ZNF608: variants seen among roughly 807,000 people sequenced by gnomAD.
ZNF608 encodes renal carcinoma antigen NY-REN-36.
ZNF608 carries 12 observed loss-of-function variants against 109.0 expected under a neutral mutation model. The observed-to-expected ratio is 0.11, with a 90% CI of 0.07 to 0.18. The LOEUF (loss-of-function observed/expected upper bound fraction) is 0.18. Among genes scored for constraint, ZNF608 ranks in the 10% least tolerant of loss-of-function variants. The pLI is 1.00. For missense variants in ZNF608, 1,707 were observed against 1,879.3 expected (o/e 0.91, Z 1.70); for synonymous variants, 732 against 717.4 (o/e 1.02, Z -0.33).
chr5:124,696,248 T>C (rs764990104), intron 3 of ZNF608, among the ~76,000 whole-genome samples: 32 of 151,884 alleles, frequency 2.1e-4, no homozygotes, highest in Admixed American at 1.0e-3. Flanking sequence ...TTAACTACCC[T>C]GAAAACACGG....
chr5:124,659,387 T>C (rs191664100), intron 3 of ZNF608, among the ~76,000 whole-genome samples: 1 of 152,316 alleles, frequency 6.6e-6, no homozygotes, highest in East Asian at 1.9e-4. Flanking sequence ...TATCTGCCAC[T>C]TCCGTATTTT....
At chr5:124,736,055 A>C (rs1476191368) in intron 2 of ZNF608, among the ~76,000 whole-genome samples, 2 of 150,678 alleles carry the variant, frequency 1.3e-5, no homozygotes, top group Non-Finnish European at 3.0e-5. Flanking sequence ...AAAAAAAAAC[A>C]TGTTTAATCA....
intron 1 of ZNF608, 77 bp from the exon 2 acceptor site, chr5:124,745,249 T>G: frequency 7.9e-7 from 1 of 1,259,710 alleles, no homozygotes; most frequent in Non-Finnish European, 1.0e-6. Context: ...TATTGGGGAA[T>G]CAGTAAAGGG....
chr5:124,698,682 T>C (rs1752938197), intron 3 of ZNF608, among the ~76,000 whole-genome samples: 1 of 152,224 alleles, frequency 6.6e-6, no homozygotes, highest in Non-Finnish European at 1.5e-5. Flanking sequence ...TATCAAATAA[T>C]AACAACAGTA....
At chr5:124,741,394 G>GAAAAAAAAA (rs34192958) in intron 2 of ZNF608, among the ~76,000 whole-genome samples, 1 of 68,420 alleles carries the variant, frequency 1.5e-5, no homozygotes, top group Non-Finnish European at 2.7e-5. Context: ...CTTCCAACCA[G>GAAAAAAAAA]AAAAAAAAAA....
At chr5:124,743,459 G>A (rs58307962) in intron 2 of ZNF608, among the ~76,000 whole-genome samples, 19,205 of 152,118 alleles carry the variant, frequency 0.13, 1,449 homozygotes, top group Admixed American at 0.23. Context: ...TGAAACCAAT[G>A]ACCCAACACA....
At chr5:124,664,283 G>A (rs1472828841) in intron 3 of ZNF608, among the ~76,000 whole-genome samples, 2 of 152,082 alleles carry the variant, frequency 1.3e-5, no homozygotes, top group Admixed American at 1.3e-4. Flanking sequence ...AACTGCAGGA[G>A]GTCAAAATTG....
At chr5:124,697,675 C>G (rs1580647456) in intron 3 of ZNF608, among the ~76,000 whole-genome samples, 1 of 152,282 alleles carries the variant, frequency 6.6e-6, no homozygotes, top group East Asian at 1.9e-4. Flanking sequence ...ACAACCAGTA[C>G]TTCATGTACT....
intron 2 of ZNF608, among the ~76,000 whole-genome samples, chr5:124,705,489 A>C (rs2149856839): frequency 6.6e-6 from 1 of 152,326 alleles, no homozygotes; most frequent in Non-Finnish European, 1.5e-5. Context: ...TGCTCAGCAT[A>C]GTGCTTAGGT....
intron 2 of ZNF608, among the ~76,000 whole-genome samples, chr5:124,738,321 T>C (rs1580720708): frequency 6.6e-6 from 1 of 152,190 alleles, no homozygotes; most frequent in East Asian, 1.9e-4. Context: ...GATAGCCCAG[T>C]ATTTCCTTAG....
Position 124,638,399 on chromosome 5 carries a change from G to T in ZNF608, c.4533-493C>A, listed in dbSNP as rs550886513. 5.9e-5 allele frequency among the ~76,000 whole-genome samples: 9 copies of T among 152,180 alleles called. No individual in the cohort carries two copies. The East Asian group carries it at 1.5e-3, about 26-fold the overall frequency. Reference sequence around the variant, plus strand: ...AGCCTCCCTAGTAGCTGGAATTACAGACGCACACCACCACGCCCAGCTAAT... The same window carrying T: ...AGCCTCCCTAGTAGCTGGAATTACATACGCACACCACCACGCCCAGCTAAT... On this transcript the variant is annotated intron_variant, in intron 9 of 9. Coordinates refer to ENST00000513986, the MANE Select transcript of ZNF608 (RefSeq NM_020747.3).
intron 3 of ZNF608, among the ~76,000 whole-genome samples, chr5:124,661,483 GAAA>G (rs34532609): frequency 7.3e-6 from 1 of 136,406 alleles, no homozygotes; most frequent in Non-Finnish European, 1.6e-5. Flanking sequence ...TTTCAGGGAA[GAAA>G]AAAAAAAAAA....
intron 3 of ZNF608, among the ~76,000 whole-genome samples, chr5:124,663,202 T>C (rs1428475439): frequency 6.6e-6 from 1 of 152,166 alleles, no homozygotes; most frequent in Non-Finnish European, 1.5e-5. Flanking sequence ...TTCAGCACTC[T>C]AAAGGGGTGG....
rs754496993 is a variant in ZNF608 at position 124,648,203 on chromosome 5, T to G, written c.2181A>C (p.Lys727Asn). ...GKKATNCKTD[K>N]NLSKLKSARP... ...GGGCACTTTTCAGTTTAGAGAGGTT[T>G]TTGTCCGTTTTGCAGTTGGTAGCTT... Residue 727 changes from lysine (K) to asparagine (N), a missense_variant, in exon 5 of 10, where the codon AAA (lysine) becomes AAC (asparagine). Physicochemically the swap from Lys to Asn is moderately conservative, Grantham distance 94. Transcript: ENST00000513986. 6.2e-7 allele frequency: 1 copy of G among 1,614,108 alleles called. No homozygotes were observed. Among genetic ancestry groups the G allele is most frequent in the South Asian group, 1.1e-5 (1 of 91,080 alleles).
At position 124,638,495 on chromosome 5, in the gene ZNF608, G is replaced by C. The variant is rs748961757; in HGVS notation, c.4533-589C>G. ...TAGTCTGGAACTCCCGACCTCAGGTGATCCACCTGCATGAGCCTCCCAAAG... is the reference window on the plus strand; with the variant it reads ...TAGTCTGGAACTCCCGACCTCAGGTCATCCACCTGCATGAGCCTCCCAAAG... On this transcript the variant is annotated intron_variant, in intron 9 of 9. Coordinates refer to ENST00000513986, the MANE Select transcript of ZNF608 (RefSeq NM_020747.3). Among the ~76,000 whole-genome samples, 36 of 152,168 alleles carry C rather than the reference G, an allele frequency of 2.4e-4. 1 individual carries two copies. Among genetic ancestry groups the C allele is most frequent in the Admixed American group, 1.2e-3 (19 of 15,272 alleles).
At chr5:124,659,124 T>A (rs1328080549) in intron 3 of ZNF608, among the ~76,000 whole-genome samples, 1 of 149,468 alleles carries the variant, frequency 6.7e-6, no homozygotes. Context: ...TTGGTCCCAG[T>A]CCTTTCCTGC....
intron 2 of ZNF608, among the ~76,000 whole-genome samples, chr5:124,743,147 T>A (rs1458267067): frequency 6.6e-6 from 1 of 152,188 alleles, no homozygotes; most frequent in Non-Finnish European, 1.5e-5. Context: ...AGTGTCTAAC[T>A]ATAGACTTGT....
chr5:124,735,572 G>T (rs931822495), intron 2 of ZNF608, among the ~76,000 whole-genome samples: 1 of 152,244 alleles, frequency 6.6e-6, no homozygotes, highest in Non-Finnish European at 1.5e-5. Flanking sequence ...GGGAGAGAAG[G>T]CTTCTTTATT....
intron 1 of ZNF608, among the ~76,000 whole-genome samples, chr5:124,745,847 C>T (rs1749620201): frequency 6.6e-6 from 1 of 152,062 alleles, no homozygotes; most frequent in Non-Finnish European, 1.5e-5. Context: ...TTGAAATATG[C>T]ATGTCTTTTA....
Sources: allele counts gnomAD v4.1 joint callset (sites outside exome capture counted in the v4.1 genomes callset), GRCh38; gene constraint gnomAD v4.1.1; transcripts MANE v1.5; gene names NCBI Gene and HGNC (gene_info 2026-07-23, HGNC 2026-07-21).